SLC25A26: variants seen among roughly 807,000 people sequenced by gnomAD.
SLC25A26 encodes the protein solute carrier family 25 member 26, also known as mitochondrial S-adenosylmethionine carrier protein.
Under a neutral mutation model 37.8 loss-of-function variants are expected in SLC25A26, and 36 were observed. The ratio of observed to expected loss-of-function variants is 0.95; its 90% CI spans 0.73 to 1.26. SLC25A26 has a LOEUF of 1.26. Ranked by LOEUF, SLC25A26 falls within the 50% of genes most tolerant of loss-of-function variation. The pLI, the probability that SLC25A26 is intolerant of heterozygous loss-of-function variation, is 0.00. For missense variants in SLC25A26, 390 were observed against 331.1 expected (o/e 1.18, Z -1.38); for synonymous variants, 129 against 122.5 (o/e 1.05, Z -0.35).
At chr3:66,319,037 A>C (rs2075620053) in intron 5 of SLC25A26, among the ~76,000 whole-genome samples, 2 of 152,140 alleles carry the variant, frequency 1.3e-5, no homozygotes, top group African/African-American at 4.8e-5. Context: ...TGACACTGAT[A>C]TTTTCTAAAT....
chr3:66,183,705 G>C (rs536133768), intron 1 of SLC25A26, among the ~76,000 whole-genome samples: 69 of 151,940 alleles, frequency 4.5e-4, no homozygotes, highest in African/African-American at 1.7e-3. Context: ...CTCTCTTCCT[G>C]ACTGAACTCT....
chr3:66,324,662 T>TTGGC (rs1267460439), intron 5 of SLC25A26, among the ~76,000 whole-genome samples: 1 of 152,200 alleles, frequency 6.6e-6, no homozygotes, highest in Non-Finnish European at 1.5e-5. Flanking sequence ...CAAAGTTAGT[T>TTGGC]TGGCCTACAC....
chr3:66,312,026 C>G (rs571079363), intron 5 of SLC25A26, among the ~76,000 whole-genome samples: 18 of 152,230 alleles, frequency 1.2e-4, no homozygotes, highest in African/African-American at 4.1e-4. Context: ...TGCTGTGCTG[C>G]GAGATCCACT....
chr3:66,225,002 C>A (rs2071674489), intron 1 of SLC25A26, among the ~76,000 whole-genome samples: 1 of 152,176 alleles, frequency 6.6e-6, no homozygotes, highest in South Asian at 2.1e-4. Flanking sequence ...TGGGATACAG[C>A]TCCCCTCCTG....
chr3:66,352,930 C>T (rs1260066030), intron 6 of SLC25A26, among the ~76,000 whole-genome samples: 9 of 152,152 alleles, frequency 5.9e-5, no homozygotes, highest in Non-Finnish European at 1.0e-4. Flanking sequence ...TATTTATTTC[C>T]GTACTGGTAT....
intron 5 of SLC25A26, among the ~76,000 whole-genome samples, chr3:66,328,217 A>T (rs1324435713): frequency 6.6e-6 from 1 of 152,188 alleles, no homozygotes; most frequent in African/African-American, 2.4e-5. Context: ...TAATGATATG[A>T]AAAGAGAATA....
intron 5 of SLC25A26, among the ~76,000 whole-genome samples, chr3:66,283,401 T>G (rs1380158745): frequency 6.6e-6 from 1 of 152,154 alleles, no homozygotes. Flanking sequence ...CTACCTCAGC[T>G]TCCTGAGAAG....
At chr3:66,240,609 A>G (rs1282112905) in intron 2 of SLC25A26, among the ~76,000 whole-genome samples, 1 of 152,048 alleles carries the variant, frequency 6.6e-6, no homozygotes, top group South Asian at 2.1e-4. Flanking sequence ...TCTCTTAACT[A>G]TGAATGATGT....
rs76927870 is a variant in SLC25A26 at position 66,297,573 on chromosome 3, T to A, written c.453+34194T>A. ...GCTATCTTGTGCCTTTTGAAGTTGT[T>A]TAATCTCTCTGGGTATTGATTTCCT... On this transcript the variant is annotated intron_variant, in intron 5 of 9. Coordinates refer to ENST00000354883, the MANE Select transcript of SLC25A26 (RefSeq NM_001379210.1). Among the ~76,000 whole-genome samples, 463 of 152,344 alleles carry A rather than the reference T, an allele frequency of 3.0e-3. 3 individuals are homozygous for A. Among genetic ancestry groups the A allele is most frequent in the East Asian group, 0.017 (89 of 5,184 alleles).
At chr3:66,206,517 C>T (rs930713449) in intron 1 of SLC25A26, among the ~76,000 whole-genome samples, 1 of 152,086 alleles carries the variant, frequency 6.6e-6, no homozygotes, top group African/African-American at 2.4e-5. Flanking sequence ...CCCTTGGAGC[C>T]ATGTAATGCA....
At chr3:66,306,575 G>A (rs1381607336) in intron 5 of SLC25A26, among the ~76,000 whole-genome samples, 1 of 152,060 alleles carries the variant, frequency 6.6e-6, no homozygotes, top group East Asian at 1.9e-4. Flanking sequence ...GTGCCATGGT[G>A]GTTTGCTGCA....
At chr3:66,253,037 A>G (rs1398473159) in intron 3 of SLC25A26, among the ~76,000 whole-genome samples, 4 of 45,676 alleles carry the variant, frequency 8.8e-5, no homozygotes, top group Admixed American at 7.6e-4. Context: ...CCCCCCCCCC[A>G]TAAATATGTC....
chr3:66,279,531 G>A (rs933977267), intron 5 of SLC25A26, among the ~76,000 whole-genome samples: 3 of 152,036 alleles, frequency 2.0e-5, no homozygotes, highest in Admixed American at 6.6e-5. Context: ...TGGGGAGGTG[G>A]GGTCAGGTAA....
At chr3:66,200,592 C>G (rs2071096436) in intron 1 of SLC25A26, among the ~76,000 whole-genome samples, 1 of 152,154 alleles carries the variant, frequency 6.6e-6, no homozygotes, top group Non-Finnish European at 1.5e-5. Context: ...CACATATTAG[C>G]CATACCTTAT....
chr3:66,156,365 C>A (rs1467113187), intron 1 of SLC25A26, among the ~76,000 whole-genome samples: 1 of 152,082 alleles, frequency 6.6e-6, no homozygotes, highest in Admixed American at 6.5e-5. Flanking sequence ...TTCCAACAAA[C>A]AAGTATATGA....
intron 1 of SLC25A26, among the ~76,000 whole-genome samples, chr3:66,155,440 G>A (rs946067139): frequency 1.3e-5 from 2 of 152,192 alleles, no homozygotes; most frequent in African/African-American, 4.8e-5. Context: ...TTGAGCCCAG[G>A]AGGTTGAGGC....
At chr3:66,303,569 A>C (rs144621764) in intron 5 of SLC25A26, among the ~76,000 whole-genome samples, 5 of 152,232 alleles carry the variant, frequency 3.3e-5, no homozygotes, top group Non-Finnish European at 7.3e-5. Flanking sequence ...AGAATGTCCC[A>C]CATTTTTCAC....
chr3:66,300,770 G>C (rs2075054010), intron 5 of SLC25A26, among the ~76,000 whole-genome samples: 2 of 152,136 alleles, frequency 1.3e-5, no homozygotes, highest in African/African-American at 2.4e-5. Context: ...AAGGGAGGTG[G>C]ACTAGTACTG....
intron 1 of SLC25A26, among the ~76,000 whole-genome samples, chr3:66,174,591 TA>T (rs2070548019): frequency 6.6e-6 from 1 of 151,842 alleles, no homozygotes; most frequent in Non-Finnish European, 1.5e-5. Context: ...CCATCCTGGC[TA>T]ACACGGTGAA....
Sources: gnomAD v4.1 joint callset for allele counts (sites outside exome capture counted in the v4.1 genomes callset) on GRCh38, gnomAD v4.1.1 for gene constraint, MANE v1.5 for transcripts, NCBI Gene and HGNC (gene_info 2026-07-23, HGNC 2026-07-21) for gene names.